Variants in KCNAB1 observed in about 807,000 individuals in gnomAD.
The protein encoded by KCNAB1 is voltage-gated potassium channel subunit beta-1.
Under a neutral mutation model 64.6 loss-of-function variants are expected in KCNAB1, and 35 were observed. That is an observed-to-expected ratio of 0.54 (90% CI 0.41 to 0.72). KCNAB1 has a LOEUF of 0.72. Ranked by LOEUF, KCNAB1 falls within the 30% of genes least tolerant of loss-of-function variation. The pLI is 0.00. For missense variants in KCNAB1, 401 were observed against 512.9 expected, an observed-to-expected ratio of 0.78 and a Z score of 2.11; for synonymous variants, 177 against 183.8, an observed-to-expected ratio of 0.96 and a Z score of 0.30.
intron 1 of KCNAB1, among the ~76,000 whole-genome samples, chr3:156,180,129 A>G (rs1712707137): frequency 6.6e-6 from 1 of 152,238 alleles, no homozygotes; most frequent in Non-Finnish European, 1.5e-5. Context: ...TCAGCCTATA[A>G]ATGGTCAAAA....
At chr3:156,483,145 G>A (rs935640611) in intron 8 of KCNAB1, among the ~76,000 whole-genome samples, 3 of 152,010 alleles carry the variant, frequency 2.0e-5, no homozygotes, top group Non-Finnish European at 2.9e-5. Context: ...GACCTTCTCC[G>A]TGGTGTGATT....
intron 1 of KCNAB1, among the ~76,000 whole-genome samples, chr3:156,342,625 T>C (rs1724217917): frequency 7.7e-6 from 1 of 130,264 alleles, no homozygotes; most frequent in Non-Finnish European, 1.6e-5. Flanking sequence ...TTTTTTTTTA[T>C]TATACTCTAA....
intron 1 of KCNAB1, among the ~76,000 whole-genome samples, chr3:156,392,171 A>G (rs960598043): frequency 3.3e-5 from 5 of 152,022 alleles, no homozygotes; most frequent in South Asian, 2.1e-4. Flanking sequence ...TTGAAATTCT[A>G]TGGTGTATGT....
At chr3:156,198,913 ATTTTTTTTTTTTTTTTTTTT>A (rs71138701) in intron 1 of KCNAB1, among the ~76,000 whole-genome samples, 1 of 21,294 alleles carries the variant, frequency 4.7e-5, no homozygotes, top group South Asian at 1.5e-3. Context: ...TTATATTTTG[ATTTTTTTTTTTTTTTTTTTT>A]TTTTTTTTTT....
intron 1 of KCNAB1, among the ~76,000 whole-genome samples, chr3:156,359,159 T>C (rs892515526): frequency 2.0e-5 from 3 of 152,238 alleles, no homozygotes; most frequent in African/African-American, 7.2e-5. Flanking sequence ...GTTTGAGTCA[T>C]TCTGTTGGTA....
intron 12 of KCNAB1, among the ~76,000 whole-genome samples, chr3:156,524,543 C>T (rs188687432): frequency 9.9e-4 from 150 of 152,014 alleles, no homozygotes; most frequent in Middle Eastern, 3.4e-3. Context: ...GTCAGGAGAT[C>T]GAGACCATCC....
intron 1 of KCNAB1, among the ~76,000 whole-genome samples, chr3:156,321,372 T>G (rs1018918185): frequency 1.3e-5 from 2 of 152,154 alleles, no homozygotes; most frequent in Non-Finnish European, 2.9e-5. Context: ...ATGGGTAATA[T>G]TGGCCCATTA....
At chr3:156,247,540 T>C (rs1717532690) in intron 1 of KCNAB1, among the ~76,000 whole-genome samples, 1 of 152,122 alleles carries the variant, frequency 6.6e-6, no homozygotes, top group Admixed American at 6.5e-5. Context: ...TGTCCTTTCT[T>C]CCAGCAGACT....
intron 1 of KCNAB1, among the ~76,000 whole-genome samples, chr3:156,154,260 A>T (rs1218302730): frequency 6.6e-6 from 1 of 152,050 alleles, no homozygotes; most frequent in Non-Finnish European, 1.5e-5. Context: ...CACTCATATT[A>T]CAGAGCCATG....
At chr3:156,401,370 C>T (rs1713878603) in intron 1 of KCNAB1, among the ~76,000 whole-genome samples, 1 of 152,226 alleles carries the variant, frequency 6.6e-6, no homozygotes. Flanking sequence ...TATGATTGAA[C>T]CAGTCCTTGA....
chr3:156,468,828 A>G (rs1713636950), intron 7 of KCNAB1, among the ~76,000 whole-genome samples: 1 of 152,202 alleles, frequency 6.6e-6, no homozygotes, highest in Non-Finnish European at 1.5e-5. Context: ...CCCAAACAGC[A>G]TCCCTGCTCA....
chr3:156,329,204 G>A (rs188756910), intron 1 of KCNAB1, among the ~76,000 whole-genome samples: 148 of 152,206 alleles, frequency 9.7e-4, no homozygotes, highest in African/African-American at 2.9e-3. Flanking sequence ...GAGGCAGGGC[G>A]AAAATTTGAA....
intron 1 of KCNAB1, among the ~76,000 whole-genome samples, chr3:156,299,930 G>A (rs183377537): frequency 1.2e-4 from 18 of 152,162 alleles, no homozygotes; most frequent in African/African-American, 4.3e-4. Context: ...CATTCATTCA[G>A]CTCTAAAGTC....
At chr3:156,147,036 A>G (rs1715078243) in intron 1 of KCNAB1, among the ~76,000 whole-genome samples, 1 of 152,236 alleles carries the variant, frequency 6.6e-6, no homozygotes, top group African/African-American at 2.4e-5. Context: ...ATAAATTACA[A>G]AGAAGATAGA....
rs571820150 is a variant in KCNAB1, at chr3:156,127,339, A to G, written c.275+6453A>G. Among the ~76,000 whole-genome samples, 114 of 152,368 alleles carry G rather than the reference A, an allele frequency of 7.5e-4. 1 individual carries two copies. The highest frequency in any genetic ancestry group is 5.4e-3 in the Admixed American group (82 of 15,308). ...TTCTAAAATATGATATCTATTTCTT[A>G]GAGCAGGCACATTCTCCCTAAGGCT... On this transcript the variant is annotated intron_variant, in intron 1 of 13. Transcript: ENST00000490337.
intron 1 of KCNAB1, among the ~76,000 whole-genome samples, chr3:156,351,968 G>A (rs561739333): frequency 2.2e-4 from 34 of 152,316 alleles, no homozygotes; most frequent in Admixed American, 1.9e-3. Flanking sequence ...TCCTCAGGCT[G>A]TCTCTCAGGG....
intron 7 of KCNAB1, among the ~76,000 whole-genome samples, chr3:156,471,158 C>G (rs920766335): frequency 3.9e-5 from 6 of 152,218 alleles, no homozygotes; most frequent in Non-Finnish European, 7.3e-5. Context: ...CTCCAAACTA[C>G]TGATTTCCTT....
In KCNAB1 at chr3:156,510,458, GA is replaced by G. The variant is rs549453646; in HGVS notation, c.659-3905del. Among the ~76,000 whole-genome samples the G allele has an allele frequency of 8.4e-4, 127 of 151,966 alleles. 1 individual carries two copies. Among genetic ancestry groups the G allele is most frequent in the Non-Finnish European group, 2.5e-4 (17 of 67,952 alleles). On this transcript the variant is annotated intron_variant, in intron 8 of 13. Transcript: ENST00000490337. ...TCTCTCCCTCTTCCTTCCCAGCCCC[GA>G]GGCCATTTCATCAATAACTCCCTCT...
chr3:156,195,729 C>T (rs372705758), intron 1 of KCNAB1, among the ~76,000 whole-genome samples: 5 of 152,096 alleles, frequency 3.3e-5, no homozygotes, highest in Non-Finnish European at 7.4e-5. Flanking sequence ...TTCTTCCATT[C>T]TGTAGATTGC....
Sources: allele counts gnomAD v4.1 joint callset (sites outside exome capture counted in the v4.1 genomes callset), GRCh38; gene constraint gnomAD v4.1.1; transcripts MANE v1.5; gene names NCBI Gene and HGNC (gene_info 2026-07-23, HGNC 2026-07-21).